WDR44: variants seen among roughly 807,000 people sequenced by gnomAD.
The protein encoded by WDR44 is WD repeat domain 44, also known as WD repeat-containing protein 44.
Under a neutral mutation model 65.7 loss-of-function variants are expected in WDR44, and 9 were observed. The observed-to-expected ratio is 0.14, with a 90% confidence interval of 0.08 to 0.24. The LOEUF is 0.24. WDR44 is among the 10% of genes least tolerant of loss of function. The probability of loss-of-function intolerance (pLI) is 1.00; values close to 1 mark genes in which losing one functional copy is unlikely to be tolerated. For missense variants in WDR44, 425 were observed against 670.9 expected, an observed-to-expected ratio of 0.63 and a Z score of 4.05; for synonymous variants, 220 against 235.2, an observed-to-expected ratio of 0.94 and a Z score of 0.59.
intron 12 of WDR44, among the ~76,000 whole-genome samples, chrX:118,426,140 T>C (rs2057154746): frequency 8.9e-6 from 1 of 111,996 alleles, no homozygotes; most frequent in South Asian, 3.7e-4. Flanking sequence ...ATATAAATGG[T>C]ATTTTTTAGG....
At chrX:118,349,187 C>T (rs752736506) in intron 1 of WDR44, among the ~76,000 whole-genome samples, 3 of 110,521 alleles carry the variant, frequency 2.7e-5, no homozygotes, top group African/African-American at 6.6e-5. Flanking sequence ...CAATATATGC[C>T]GTATTTATAA....
At position 118,444,513 on chromosome X, in the gene WDR44, T is replaced by C; in HGVS notation, c.2647+19T>C. The C allele has an allele frequency of 8.3e-7, 1 of 1,205,363 alleles. No individual in the cohort carries two copies. The highest frequency in any genetic ancestry group is 1.1e-6 in the Non-Finnish European group (1 of 891,693). On this transcript the variant is annotated intron_variant, in intron 19 of 19. Coordinates refer to ENST00000254029, the MANE Select transcript of WDR44 (RefSeq NM_019045.5). ...CCTTCTGGTAAATCTTTACTTGTCC[T>C]ATATTTTTTTCTAGTCAGCACTTAG...
At chrX:118,370,383 A>G (rs2056603504) in intron 1 of WDR44, among the ~76,000 whole-genome samples, 1 of 110,651 alleles carries the variant, frequency 9.0e-6, no homozygotes, top group Admixed American at 9.7e-5. Flanking sequence ...TGTCCTCACG[A>G]TGAATGACTT....
intron 8 of WDR44, among the ~76,000 whole-genome samples, chrX:118,403,153 T>C (rs191449625): frequency 3.4e-3 from 381 of 112,449 alleles, no homozygotes; most frequent in African/African-American, 0.012. Flanking sequence ...TGGCACACGA[T>C]TTAAAACTTA....
chrX:118,387,292 A>C, intron 2 of WDR44, 48 bp from the exon 3 acceptor site: 1 of 936,566 alleles, frequency 1.1e-6, no homozygotes. Flanking sequence ...ATATTTTTAA[A>C]GAAAAGATGT....
chrX:118,351,405 C>G (rs1436433833), intron 1 of WDR44, among the ~76,000 whole-genome samples: 1 of 112,007 alleles, frequency 8.9e-6, no homozygotes, highest in Non-Finnish European at 1.9e-5. Context: ...AAACATTTCT[C>G]TCTGAATTGA....
At chrX:118,368,057 T>TGTTCTC (rs1369170431) in intron 1 of WDR44, among the ~76,000 whole-genome samples, 20 of 112,005 alleles carry the variant, frequency 1.8e-4, no homozygotes, top group African/African-American at 6.5e-4. Flanking sequence ...ACATGCATAC[T>TGTTCTC]GTTCTCAACA....
intron 12 of WDR44, among the ~76,000 whole-genome samples, chrX:118,422,458 G>A (rs777462100): frequency 9.1e-6 from 1 of 110,487 alleles, no homozygotes; most frequent in Non-Finnish European, 1.9e-5. Flanking sequence ...TGAAGAGGCC[G>A]AGGCAGGCGG....
rs907095349 is a variant in WDR44 at position 118,440,245 on chromosome X, G to A, written c.1975-1123G>A. Among the ~76,000 whole-genome samples the A allele has an allele frequency of 1.3e-4, 14 of 110,375 alleles. 1 individual carries two copies. The highest frequency in any genetic ancestry group is 4.6e-4 in the African/African-American group (14 of 30,406). ...AATCCTAGTACTATTGACATTCTTT[G>A]TTACACGGGGGAGAGTAGGCTGTGC... is the stretch of plus-strand genomic sequence containing the variant. On this transcript the variant is annotated intron_variant, in intron 14 of 19. Transcript: ENST00000254029.
intron 1 of WDR44, among the ~76,000 whole-genome samples, chrX:118,372,640 T>TGGG (rs1273393937): frequency 8.9e-6 from 1 of 112,048 alleles, no homozygotes; most frequent in African/African-American, 3.2e-5. Context: ...TAAAGTCTCA[T>TGGG]GGGGAGACCC....
At chrX:118,370,410 G>C (rs1405357698) in intron 1 of WDR44, among the ~76,000 whole-genome samples, 1 of 109,663 alleles carries the variant, frequency 9.1e-6, no homozygotes, top group Non-Finnish European at 1.9e-5. Context: ...CTGAGTTCAC[G>C]CAAGATCTGG....
intron 8 of WDR44, 29 bp from the exon 9 acceptor site, chrX:118,404,304 TAACTG>T: frequency 1.9e-6 from 2 of 1,054,358 alleles, no homozygotes; most frequent in Non-Finnish European, 1.3e-6. Context: ...CTTTTACAGT[TAACTG>T]AGTTGATACT....
chrX:118,430,843 G>T (rs1287134576), intron 12 of WDR44, among the ~76,000 whole-genome samples: 1 of 111,276 alleles, frequency 9.0e-6, no homozygotes, highest in Non-Finnish European at 1.9e-5. Context: ...CTCCGAATCT[G>T]ATTTGTATGT....
chrX:118,373,650 T>C (rs1441715200), intron 1 of WDR44, among the ~76,000 whole-genome samples: 2 of 111,455 alleles, frequency 1.8e-5, no homozygotes, highest in Non-Finnish European at 3.8e-5. Context: ...CATAATTATC[T>C]TCTTTTAAGT....
In WDR44 at chrX:118,388,710, T is replaced by C. The variant is rs182654664; in HGVS notation, c.186+1296T>C. On this transcript the variant is annotated intron_variant, in intron 3 of 19. Coordinates refer to ENST00000254029, the MANE Select transcript of WDR44 (RefSeq NM_019045.5). ...ACCATTTTTTTAAAAAAATAAGAAATTGCCTATAATTCTATACTATAACAC... is the reference window on the plus strand; with the variant it reads ...ACCATTTTTTTAAAAAAATAAGAAACTGCCTATAATTCTATACTATAACAC... 4.5e-3 allele frequency among the ~76,000 whole-genome samples: 502 copies of C among 111,950 alleles called. 1 individual carries two copies. Among genetic ancestry groups the C allele is most frequent in the African/African-American group, 0.015 (471 of 30,874 alleles).
At chrX:118,395,647 C>G (rs965748884) in intron 6 of WDR44, among the ~76,000 whole-genome samples, 9 of 111,708 alleles carry the variant, frequency 8.1e-5, no homozygotes, top group African/African-American at 2.9e-4. Context: ...CTGACTTAAA[C>G]TTGCCCTTTC....
chrX:118,426,504 C>T (rs974076027), intron 12 of WDR44, among the ~76,000 whole-genome samples: 2 of 110,921 alleles, frequency 1.8e-5, no homozygotes, highest in Non-Finnish European at 3.8e-5. Flanking sequence ...GAGTTCAAGA[C>T]CAGCCCAGGC....
intron 7 of WDR44, 139 bp from the exon 8 acceptor site, chrX:118,398,248 A>G: frequency 2.4e-6 from 1 of 418,097 alleles, no homozygotes; most frequent in Non-Finnish European, 4.0e-6. Flanking sequence ...TAAATAAATA[A>G]ATAAATAATT....
intron 12 of WDR44, among the ~76,000 whole-genome samples, chrX:118,418,206 T>C: frequency 9.0e-6 from 1 of 111,487 alleles, no homozygotes; most frequent in East Asian, 2.8e-4. Flanking sequence ...GATTTCTTAT[T>C]GGTTTGGATG....
Sources: gnomAD v4.1 joint callset for allele counts (sites outside exome capture counted in the v4.1 genomes callset) on GRCh38, gnomAD v4.1.1 for gene constraint, MANE v1.5 for transcripts, NCBI Gene and HGNC (gene_info 2026-07-23, HGNC 2026-07-21) for gene names.